The following IMMP2L variants were observed in gnomAD, a reference collection of about 807,000 sequenced individuals.
The protein encoded by IMMP2L is mitochondrial inner membrane protease subunit 2.
A neutral mutation model predicts 19.3 loss-of-function variants in IMMP2L; 18 were observed. The observed-to-expected ratio is 0.93, with a 90% CI of 0.64 to 1.38. The LOEUF (loss-of-function observed/expected upper bound fraction) is 1.38. Ranked by LOEUF, IMMP2L falls within the 40% of genes most tolerant of loss-of-function variation. The pLI is 0.00. For missense variants in IMMP2L, 233 were observed against 218.2 expected (o/e 1.07, Z -0.43); for synonymous variants, 76 against 73.0 (o/e 1.04, Z -0.21).
At chr7:111,491,390 C>A (rs1843087470) in intron 2 of IMMP2L, among the ~76,000 whole-genome samples, 1 of 152,052 alleles carries the variant, frequency 6.6e-6, no homozygotes, top group South Asian at 2.1e-4. Context: ...CAAGAGTGAA[C>A]TGCGCTACCT....
At chr7:111,166,826 C>T (rs1805872964) in intron 3 of IMMP2L, among the ~76,000 whole-genome samples, 2 of 151,978 alleles carry the variant, frequency 1.3e-5, no homozygotes, top group Non-Finnish European at 2.9e-5. Flanking sequence ...CTATCCACTG[C>T]TTTCACCTCT....
At chr7:111,507,389 T>C (rs530662637) in intron 2 of IMMP2L, among the ~76,000 whole-genome samples, 1 of 152,282 alleles carries the variant, frequency 6.6e-6, no homozygotes, top group East Asian at 1.9e-4. Context: ...GAAATCTCCT[T>C]AGCCAAATCT....
chr7:110,792,512 T>A (rs1211990235), intron 5 of IMMP2L, among the ~76,000 whole-genome samples: 2 of 152,092 alleles, frequency 1.3e-5, no homozygotes, highest in African/African-American at 4.8e-5. Flanking sequence ...GTAGACTTTA[T>A]TTTTTAAGCA....
In IMMP2L at chr7:110,862,240, T is replaced by A. The variant is rs1050456231; in HGVS notation, c.408+24353A>T. 9.2e-5 allele frequency among the ~76,000 whole-genome samples: 14 copies of A among 151,986 alleles called. No individual in the cohort carries two copies. The South Asian group carries it at 2.7e-3, about 29-fold the overall frequency. ...TTTTTTTAATATATTTTATTTATTT[T>A]TTTTTAGAAATGGGGCTGTGTTTTA... On this transcript the variant is annotated intron_variant, in intron 5 of 5. Transcript: ENST00000405709.
intron 3 of IMMP2L, among the ~76,000 whole-genome samples, chr7:111,075,838 G>A (rs1198933460): frequency 6.6e-6 from 1 of 152,018 alleles, no homozygotes; most frequent in African/African-American, 2.4e-5. Flanking sequence ...TTTTAAATTT[G>A]ATGTGTCCAT....
At chr7:111,544,176 T>G (rs552335243) in intron 1 of IMMP2L, among the ~76,000 whole-genome samples, 1 of 151,350 alleles carries the variant, frequency 6.6e-6, no homozygotes, top group Admixed American at 6.6e-5. Flanking sequence ...ATGTTCTCAC[T>G]CATAGGTGTG....
chr7:110,906,322 AC>A (rs1227225699), intron 4 of IMMP2L, among the ~76,000 whole-genome samples: 2 of 152,216 alleles, frequency 1.3e-5, no homozygotes, highest in Non-Finnish European at 2.9e-5. Context: ...CTACAGAGTA[AC>A]CTTTTAGTTG....
intron 5 of IMMP2L, among the ~76,000 whole-genome samples, chr7:110,826,812 T>C (rs1303372184): frequency 1.3e-5 from 2 of 151,908 alleles, no homozygotes; most frequent in Non-Finnish European, 2.9e-5. Flanking sequence ...ATTGTGCACA[T>C]GTACCCTAGA....
chr7:110,702,911 C>T (rs573092764), intron 5 of IMMP2L, among the ~76,000 whole-genome samples: 17 of 152,090 alleles, frequency 1.1e-4, no homozygotes, highest in African/African-American at 3.9e-4. Flanking sequence ...TCTTGTTGTA[C>T]TGTACGGTCT....
intron 5 of IMMP2L, among the ~76,000 whole-genome samples, chr7:110,786,934 G>C (rs1800119631): frequency 6.6e-6 from 1 of 151,932 alleles, no homozygotes; most frequent in Non-Finnish European, 1.5e-5. Flanking sequence ...GTTGAATTTG[G>C]AGTGCTTGTC....
chr7:110,876,591 G>C lies in IMMP2L; in HGVS notation c.408+10002C>G, dbSNP rs571338358. ...GCTGGTGAATTTCTCTGACAGATGT[G>C]GTGAGTTAATACGAGGGAGCAGAAT... On this transcript the variant is annotated intron_variant, in intron 5 of 5. Transcript: ENST00000405709. Among the ~76,000 whole-genome samples the C allele has an allele frequency of 2.0e-5, 3 of 152,144 alleles. No individual in the cohort carries two copies. The South Asian group carries it at 6.2e-4, about 32-fold the overall frequency.
chr7:111,066,474 G>C (rs1794510982), intron 3 of IMMP2L, among the ~76,000 whole-genome samples: 1 of 152,192 alleles, frequency 6.6e-6, no homozygotes, highest in Non-Finnish European at 1.5e-5. Context: ...GGAAATAGGA[G>C]ATGGATGAAA....
chr7:111,128,566 C>T (rs1801540142), intron 3 of IMMP2L, among the ~76,000 whole-genome samples: 1 of 152,142 alleles, frequency 6.6e-6, no homozygotes, highest in Admixed American at 6.5e-5. Context: ...ATGGCTCAAG[C>T]CGGTAATCCC....
intron 3 of IMMP2L, among the ~76,000 whole-genome samples, chr7:111,007,853 A>G (rs1051314007): frequency 1.3e-5 from 2 of 151,916 alleles, no homozygotes; most frequent in Admixed American, 6.6e-5. Context: ...CAACATCCCA[A>G]ACCAAAAGCC....
At chr7:111,048,845 T>C (rs933916255) in intron 3 of IMMP2L, among the ~76,000 whole-genome samples, 3 of 152,110 alleles carry the variant, frequency 2.0e-5, no homozygotes, top group African/African-American at 7.2e-5. Context: ...TCTGCAAAGA[T>C]AGATGCTCAT....
chr7:110,828,520 C>T (rs1461135470), intron 5 of IMMP2L, among the ~76,000 whole-genome samples: 1 of 152,136 alleles, frequency 6.6e-6, no homozygotes, highest in Non-Finnish European at 1.5e-5. Flanking sequence ...TCCAAAGAAT[C>T]ACTGCAGAGT....
intron 1 of IMMP2L, among the ~76,000 whole-genome samples, chr7:111,556,524 T>G (rs552581205): frequency 3.4e-4 from 51 of 152,188 alleles, no homozygotes; most frequent in South Asian, 2.9e-3. Context: ...CCAGCCCCCT[T>G]CAGCCTCATC....
rs147699386 is a variant in IMMP2L at position 110,665,376 on chromosome 7, C to T, written c.409-1655G>A. Among the ~76,000 whole-genome samples the T allele has an allele frequency of 3.9e-3, 598 of 152,184 alleles. 3 individuals are homozygous for T. The highest frequency in any genetic ancestry group is 0.01 in the Middle Eastern group (3 of 294). On this transcript the variant is annotated intron_variant, in intron 5 of 5. Transcript: ENST00000405709. ...TCCCTGAAAACTTCAACATATATCTCCTGAGAATGAAGACCGTTTCATATA... is the reference window on the plus strand; with the variant it reads ...TCCCTGAAAACTTCAACATATATCTTCTGAGAATGAAGACCGTTTCATATA...
chr7:110,898,793 T>A (rs2129546962), intron 4 of IMMP2L, among the ~76,000 whole-genome samples: 1 of 151,122 alleles, frequency 6.6e-6, no homozygotes, highest in South Asian at 2.1e-4. Context: ...AAATCAGCTC[T>A]TTTTCCTGAG....
Sources: allele counts gnomAD v4.1 joint callset (sites outside exome capture counted in the v4.1 genomes callset), GRCh38; gene constraint gnomAD v4.1.1; transcripts MANE v1.5; gene names NCBI Gene and HGNC (gene_info 2026-07-23, HGNC 2026-07-21).